GFPT2: variants seen among roughly 807,000 people sequenced by gnomAD.
GFPT2 encodes glutamine--fructose-6-phosphate transaminase 2.
In GFPT2, 62 loss-of-function variants were observed where a neutral mutation model predicts 85.6. The observed-to-expected ratio is 0.72, with a 90% CI of 0.59 to 0.90. The LOEUF is 0.90. Among genes scored for constraint, GFPT2 ranks in the 40% least tolerant of loss-of-function variants. The pLI is 0.00. For synonymous variants in GFPT2, 368 were observed against 344.5 expected, an observed-to-expected ratio of 1.07 and a Z score of -0.75; for missense variants, 788 against 893.4, an observed-to-expected ratio of 0.88 and a Z score of 1.50.
intron 4 of GFPT2, among the ~76,000 whole-genome samples, chr5:180,332,896 G>A (rs981098146): frequency 3.3e-5 from 5 of 152,020 alleles, no homozygotes; most frequent in East Asian, 3.9e-4. Context: ...CCTTCAGTTC[G>A]GGAAAGATTT....
chr5:180,312,919 G>A (rs1763922629), intron 14 of GFPT2, among the ~76,000 whole-genome samples: 1 of 152,130 alleles, frequency 6.6e-6, no homozygotes, highest in African/African-American at 2.4e-5. Flanking sequence ...TGGGATTACA[G>A]GCACCCGCCA....
At chr5:180,319,593 G>A in intron 9 of GFPT2, among the ~76,000 whole-genome samples, 1 of 152,176 alleles carries the variant, frequency 6.6e-6, no homozygotes, top group East Asian at 1.9e-4. Context: ...ATTCATGGCT[G>A]TTGAAACCAG....
chr5:180,336,370 T>A (rs1012925197), intron 3 of GFPT2, 109 bp downstream of exon 3: 2 of 768,836 alleles, frequency 2.6e-6, no homozygotes, highest in Non-Finnish European at 2.4e-6. Flanking sequence ...CCTCTGTTTA[T>A]CTGAGCTGGG....
At chr5:180,336,433 G>A (rs369842405) in intron 3 of GFPT2, 46 bp downstream of exon 3, 41 of 1,015,166 alleles carry the variant, frequency 4.0e-5, no homozygotes, top group South Asian at 1.8e-4. Flanking sequence ...CCTAGAAAGC[G>A]GCCGGCGCTG....
At chr5:180,336,176 C>T (rs1454814678) in intron 3 of GFPT2, 2 of 562,716 alleles carry the variant, frequency 3.6e-6, no homozygotes, top group South Asian at 2.4e-5. Flanking sequence ...AATAAACTTG[C>T]TTTAAAAAGA....
intron 13 of GFPT2, 54 bp from the exon 14 acceptor site, chr5:180,314,018 C>A (rs1763955004): frequency 4.0e-6 from 6 of 1,503,294 alleles, no homozygotes; most frequent in Non-Finnish European, 5.3e-6. Context: ...GGCCCCACCC[C>A]AAACCCCTTC....
In GFPT2 at chr5:180,313,931, T is replaced by C. The variant is rs1381360875; in HGVS notation, c.1307A>G (p.Tyr436Cys). 3.1e-6 allele frequency: 5 copies of C among 1,603,826 alleles called. No individual in the cohort carries two copies. The highest frequency in any genetic ancestry group is 1.7e-5 in the Admixed American group (1 of 59,902). ...GGTGAGAGCGCCGCGGTCCTTACAG[T>C]AGCGCAGCGCCAGGAGGGTGTCCGC... ...ETADTLLALR[Y>C]CKDRGALTVG... The change falls in exon 14 of 19, where the codon TAC (tyrosine) becomes TGC (cysteine). Residue 436 changes from tyrosine to cysteine, a missense_variant. Tyr to Cys is a radical substitution (Grantham distance 194). Transcript: ENST00000253778.
At chr5:180,314,046 C>T in intron 13 of GFPT2, 82 bp from the exon 14 acceptor site, 2 of 1,382,812 alleles carry the variant, frequency 1.4e-6, no homozygotes, top group South Asian at 1.4e-5. Flanking sequence ...ACCGCCGGCT[C>T]TTACAGGGAA....
chr5:180,320,381 C>T (rs993680037), intron 9 of GFPT2, among the ~76,000 whole-genome samples: 5 of 152,070 alleles, frequency 3.3e-5, no homozygotes, highest in Non-Finnish European at 7.4e-5. Flanking sequence ...CTTTTAAAAT[C>T]ATTTTAAGTT....
At chr5:180,303,488 C>T (rs990289387) in intron 17 of GFPT2, among the ~76,000 whole-genome samples, 23 of 152,150 alleles carry the variant, frequency 1.5e-4, no homozygotes, top group African/African-American at 5.1e-4. Context: ...AGCTGGAGTG[C>T]CTGGAACTCA....
chr5:180,327,717 C>T (rs1764234582), intron 7 of GFPT2, among the ~76,000 whole-genome samples: 1 of 152,192 alleles, frequency 6.6e-6, no homozygotes, highest in South Asian at 2.1e-4. Flanking sequence ...CAGGATGGCA[C>T]TTAACCTGCT....
chr5:180,321,066 G>C (rs908787700), intron 9 of GFPT2, among the ~76,000 whole-genome samples: 10 of 152,314 alleles, frequency 6.6e-5, no homozygotes, highest in African/African-American at 2.4e-4. Flanking sequence ...AACTTCGTAT[G>C]CTTTGTATAA....
chr5:180,332,191 C>T (rs918980120), intron 4 of GFPT2, among the ~76,000 whole-genome samples: 6 of 141,044 alleles, frequency 4.3e-5, no homozygotes, highest in East Asian at 2.5e-4. Context: ...CTCACGCGGG[C>T]GGCTTCCTGC....
rs1327369506 is a variant in GFPT2 at position 180,312,155 on chromosome 5, CT to C, written c.1546+274del. 1.1e-4 allele frequency among the ~76,000 whole-genome samples: 11 copies of C among 97,884 alleles called. 2 individuals are homozygous for C. Among genetic ancestry groups the C allele is most frequent in the African/African-American group, 4.6e-4 (10 of 21,668 alleles). 64.2% of individuals were successfully genotyped at this position (97,884 alleles called of 152,430 possible). On this transcript the variant is annotated intron_variant, in intron 15 of 18. Coordinates refer to ENST00000253778, the MANE Select transcript of GFPT2 (RefSeq NM_005110.4). ...GCTGAGGACCAGGGAGGCAGGGAGGCTGAGGACCAGGGAGGCAGGGAGGCTG... is the reference window on the plus strand; with the variant it reads ...GCTGAGGACCAGGGAGGCAGGGAGGCGAGGACCAGGGAGGCAGGGAGGCTG...
In GFPT2 at chr5:180,332,314, A is replaced by G. The variant is rs55841330; in HGVS notation, c.341-761T>C. ...GCCTCCACCCCACTGCATTTTCTCA[A>G]TGAATAGCCCGCATATGAGTGCCTT... On this transcript the variant is annotated intron_variant, in intron 4 of 18. Transcript: ENST00000253778. Among the ~76,000 whole-genome samples, 1,227 of 152,198 alleles carry G rather than the reference A, an allele frequency of 8.1e-3. 17 individuals carry two copies. Among genetic ancestry groups the G allele is most frequent in the African/African-American group, 0.028 (1,163 of 41,516 alleles).
intron 15 of GFPT2, among the ~76,000 whole-genome samples, chr5:180,308,486 CTT>C (rs1475109382): frequency 1.3e-5 from 2 of 152,068 alleles, no homozygotes; most frequent in Non-Finnish European, 2.9e-5. Context: ...GTGATAAGCT[CTT>C]TTGGTTGAAG....
At chr5:180,352,278 A>C in intron 1 of GFPT2, 1 of 386,262 alleles carries the variant, frequency 2.6e-6, no homozygotes, top group Non-Finnish European at 5.0e-6. Flanking sequence ...CATGGCTTCG[A>C]AAGTTCCTCC....
chr5:180,339,060 C>T (rs892656529), intron 1 of GFPT2, among the ~76,000 whole-genome samples: 3 of 152,134 alleles, frequency 2.0e-5, no homozygotes, highest in Admixed American at 1.3e-4. Flanking sequence ...TCCCCTTCTC[C>T]GTAAGGCTGG....
chr5:180,304,476 C>A (rs1230761706), intron 17 of GFPT2, among the ~76,000 whole-genome samples: 1 of 152,210 alleles, frequency 6.6e-6, no homozygotes. Flanking sequence ...CCTGGGGAAA[C>A]CCTGCCCCAG....
Sources: allele counts gnomAD v4.1 joint callset (sites outside exome capture counted in the v4.1 genomes callset), GRCh38; gene constraint gnomAD v4.1.1; transcripts MANE v1.5; gene names NCBI Gene and HGNC (gene_info 2026-07-23, HGNC 2026-07-21).